The following PPP1R1C variants were observed in gnomAD, a reference collection of about 807,000 sequenced individuals.
The protein encoded by PPP1R1C is protein phosphatase 1 regulatory subunit 1C.
PPP1R1C carries 15 observed loss-of-function variants against 17.4 expected under a neutral mutation model. The observed-to-expected ratio is 0.86, with a 90% confidence interval of 0.58 to 1.33. PPP1R1C has a LOEUF of 1.33. Among genes scored for constraint, PPP1R1C ranks in the 40% most tolerant of loss-of-function variants. The pLI is 0.00. For synonymous variants in PPP1R1C, 35 were observed against 43.1 expected (o/e 0.81, Z 0.73); for missense variants, 143 against 130.0 (o/e 1.10, Z -0.48).
intron 4 of PPP1R1C, among the ~76,000 whole-genome samples, chr2:182,101,216 T>G (rs1238369641): frequency 6.6e-6 from 1 of 152,190 alleles, no homozygotes; most frequent in Admixed American, 6.5e-5. Flanking sequence ...GCAGGCAGCC[T>G]CCAATTGTAG....
At chr2:182,125,928 A>G (rs1316081346) in intron 5 of PPP1R1C, among the ~76,000 whole-genome samples, 1 of 151,880 alleles carries the variant, frequency 6.6e-6, no homozygotes, top group East Asian at 1.9e-4. Flanking sequence ...CTGCTCTGCT[A>G]TTAGTTGTTT....
rs1461908559 is a variant in PPP1R1C, at chr2:182,042,034, A to G, written c.143-19408A>G. On this transcript the variant is annotated intron_variant, in intron 2 of 4. Coordinates refer to ENST00000682840, the MANE Select transcript of PPP1R1C (RefSeq NM_001080545.3). ...ATACTTTTTCCTTTTCCGTGTATGT[A>G]GCTCCTTCTCTTCCACTTATCTGTC... Among the ~76,000 whole-genome samples, 4 of 152,110 alleles carry G rather than the reference A, an allele frequency of 2.6e-5. No individual in the cohort carries two copies. In the East Asian group the frequency reaches 5.8e-4, roughly 22 times the overall value.
chr2:182,119,303 CATT>C (rs543905033), downstream of PPP1R1C, among the ~76,000 whole-genome samples: 48 of 152,090 alleles, frequency 3.2e-4, no homozygotes, highest in East Asian at 9.1e-3. Flanking sequence ...TCCAGTCTAT[CATT>C]GTTGGACATT....
chr2:182,085,245 C>T (rs947933903), intron 4 of PPP1R1C, among the ~76,000 whole-genome samples: 1 of 152,012 alleles, frequency 6.6e-6, no homozygotes, highest in Non-Finnish European at 1.5e-5. Flanking sequence ...TTTGAATGCC[C>T]TTTATTTCTT....
At chr2:182,081,656 G>C (rs1688479760) in intron 4 of PPP1R1C, among the ~76,000 whole-genome samples, 2 of 151,944 alleles carry the variant, frequency 1.3e-5, no homozygotes, top group Admixed American at 1.3e-4. Context: ...GATAACTTCT[G>C]GATGCATTTT....
chr2:182,072,427 A>G (rs1490702964), intron 4 of PPP1R1C, among the ~76,000 whole-genome samples: 1 of 152,232 alleles, frequency 6.6e-6, no homozygotes, highest in Non-Finnish European at 1.5e-5. Flanking sequence ...GTGCTTCAAC[A>G]TATACAATGT....
chr2:181,985,078 C>G (rs1271919549), upstream of PPP1R1C, among the ~76,000 whole-genome samples: 1 of 152,128 alleles, frequency 6.6e-6, no homozygotes, highest in East Asian at 1.9e-4. The surrounding 1 kb of genome is among the most constrained non-coding windows in gnomAD (Gnocchi z 4.1). Context: ...ATGTTGACTA[C>G]CATTAGGTTT....
chr2:182,050,491 C>G (rs898595880), intron 2 of PPP1R1C, among the ~76,000 whole-genome samples: 1 of 152,164 alleles, frequency 6.6e-6, no homozygotes, highest in Non-Finnish European at 1.5e-5. Flanking sequence ...GCAGCCCACT[C>G]TCCACCCTCC....
Position 182,117,204 on chromosome 2 carries a change from C to G in PPP1R1C, c.242-3C>G. The G allele has an allele frequency of 6.5e-7, 1 of 1,530,882 alleles. No individual in the cohort carries two copies. Among genetic ancestry groups the G allele is most frequent in the Non-Finnish European group, 8.8e-7 (1 of 1,133,542 alleles). The allele number at this position is 1,530,882 out of a possible 1,614,324, so 94.8% of individuals were successfully genotyped here. On this transcript the variant is annotated splice_polypyrimidine_tract_variant and splice_region_variant and intron_variant, in intron 4 of 4. Transcript: ENST00000682840. ...AAATTTTGCATAATTTTTATAATTT[C>G]AGGGGTTAAGCATCTGAAAGGCCAG... is the stretch of plus-strand genomic sequence containing the variant.
At chr2:182,075,114 C>A (rs1024622115) in intron 4 of PPP1R1C, among the ~76,000 whole-genome samples, 1 of 152,154 alleles carries the variant, frequency 6.6e-6, no homozygotes, top group Non-Finnish European at 1.5e-5. Flanking sequence ...ACATTGCATC[C>A]TTTCTGGTAT....
At chr2:182,078,695 C>A (rs775955060) in intron 4 of PPP1R1C, among the ~76,000 whole-genome samples, 1 of 152,176 alleles carries the variant, frequency 6.6e-6, no homozygotes, top group African/African-American at 2.4e-5. Flanking sequence ...AAATCTGTGT[C>A]GTCTTCTTCC....
At chr2:182,111,413 A>G (rs1242035999) in intron 4 of PPP1R1C, among the ~76,000 whole-genome samples, 1 of 152,164 alleles carries the variant, frequency 6.6e-6, no homozygotes, top group African/African-American at 2.4e-5. Context: ...TTATATTAGA[A>G]CAGAGATTAA....
Position 182,100,908 on chromosome 2 carries a change from G to C in PPP1R1C, c.242-16299G>C, listed in dbSNP as rs146459430. Among the ~76,000 whole-genome samples, 642 of 152,300 alleles carry C rather than the reference G, an allele frequency of 4.2e-3. 5 individuals are homozygous for C. Among genetic ancestry groups the C allele is most frequent in the African/African-American group, 0.015 (622 of 41,554 alleles). ...ATTGTCCCAATGGTCAGAGGACAAG[G>C]CTGCATAAGAAGCAGGCAGGGCTGA... On this transcript the variant is annotated intron_variant, in intron 4 of 4. Transcript: ENST00000682840.
chr2:181,993,612 T>G (rs1038092882), intron 2 of PPP1R1C, among the ~76,000 whole-genome samples: 1 of 152,200 alleles, frequency 6.6e-6, no homozygotes, highest in Non-Finnish European at 1.5e-5. Context: ...TTAGCTAGTA[T>G]TAATTTTTAA....
chr2:182,100,174 C>A (rs1469109255), intron 4 of PPP1R1C, among the ~76,000 whole-genome samples: 3 of 152,042 alleles, frequency 2.0e-5, no homozygotes, highest in Admixed American at 2.0e-4. Flanking sequence ...CTTTCATTTC[C>A]CTTTTCTGTC....
At chr2:182,118,412 G>A (rs1689647069), downstream of PPP1R1C, among the ~76,000 whole-genome samples, 1 of 151,858 alleles carries the variant, frequency 6.6e-6, no homozygotes, top group South Asian at 2.1e-4. Flanking sequence ...CAAAATTTAG[G>A]GGGAATGGAA....
intron 4 of PPP1R1C, among the ~76,000 whole-genome samples, chr2:182,064,960 A>G (rs1687946422): frequency 6.6e-6 from 1 of 152,146 alleles, no homozygotes; most frequent in South Asian, 2.1e-4. Context: ...TAAACTAAAT[A>G]AAGTAATACT....
At chr2:182,060,044 T>A (rs544294426) in intron 2 of PPP1R1C, among the ~76,000 whole-genome samples, 1 of 152,218 alleles carries the variant, frequency 6.6e-6, no homozygotes, top group East Asian at 1.9e-4. Flanking sequence ...TAGTGCACAT[T>A]GATAGACAGG....
At chr2:182,110,802 G>A (rs1689394301) in intron 4 of PPP1R1C, among the ~76,000 whole-genome samples, 1 of 152,104 alleles carries the variant, frequency 6.6e-6, no homozygotes, top group Non-Finnish European at 1.5e-5. Context: ...AGGCTAGGGA[G>A]CCATTCTGTC....
Sources: allele counts gnomAD v4.1 joint callset (sites outside exome capture counted in the v4.1 genomes callset), GRCh38; gene constraint gnomAD v4.1.1; non-coding constraint Gnocchi (gnomAD v3.1); transcripts MANE v1.5; gene names NCBI Gene and HGNC (gene_info 2026-07-23, HGNC 2026-07-21).